The following ABAT variants were observed in gnomAD, a reference collection of about 807,000 sequenced individuals.
ABAT encodes 4-aminobutyrate aminotransferase, mitochondrial.
In ABAT, 45 loss-of-function variants were observed where a neutral mutation model predicts 64.6. The ratio of observed to expected loss-of-function variants is 0.70; its 90% CI spans 0.55 to 0.89. The LOEUF (loss-of-function observed/expected upper bound fraction) is 0.89. ABAT is among the 40% of genes least tolerant of loss of function. ABAT has a pLI of 0.00. For synonymous variants in ABAT, 297 were observed against 250.5 expected, an observed-to-expected ratio of 1.19 and a Z score of -1.75; for missense variants, 633 against 658.4, an observed-to-expected ratio of 0.96 and a Z score of 0.42.
chr16:8,719,711 A>G (rs1432220847), intron 1 of ABAT, among the ~76,000 whole-genome samples: 4 of 152,224 alleles, frequency 2.6e-5, no homozygotes, highest in Admixed American at 2.6e-4. Flanking sequence ...TGGGAAACGT[A>G]GTGAGACCTT....
chr16:8,747,440 T>C (rs2059365905), intron 3 of ABAT, among the ~76,000 whole-genome samples: 1 of 152,212 alleles, frequency 6.6e-6, no homozygotes, highest in Non-Finnish European at 1.5e-5. Flanking sequence ...ACGGGAGACA[T>C]TTTAAATGCA....
In ABAT at chr16:8,707,043, G is replaced by A. The variant is rs1225854058; in HGVS notation, c.-41-28656G>A. 2.0e-5 allele frequency among the ~76,000 whole-genome samples: 3 copies of A among 152,278 alleles called. No individual in the cohort carries two copies. The South Asian group carries it at 6.2e-4, about 32-fold the overall frequency. On this transcript the variant is annotated intron_variant, in intron 1 of 15. Coordinates refer to ENST00000268251, the MANE Select transcript of ABAT (RefSeq NM_020686.6). ...AGAAAAGAGATGCAGGCAGAGGTGGGTTAGGCAAGGTCCCAGATGCCTCAT... is the reference window on the plus strand; with the variant it reads ...AGAAAAGAGATGCAGGCAGAGGTGGATTAGGCAAGGTCCCAGATGCCTCAT...
At chr16:8,767,972 A>C (rs887053195) in intron 9 of ABAT, among the ~76,000 whole-genome samples, 2 of 151,442 alleles carry the variant, frequency 1.3e-5, no homozygotes, top group Admixed American at 6.6e-5. Flanking sequence ...CACCACACCC[A>C]GCCTAAAATT....
chr16:8,757,842 ATGTTCATGGCCATT>A (rs2059690916), intron 6 of ABAT, 36 bp downstream of exon 6: 1 of 1,600,502 alleles, frequency 6.2e-7, no homozygotes, highest in African/African-American at 1.3e-5. Context: ...AAGACAAAAT[ATGTTCATGGCCATT>A]CACAGAATCA....
At chr16:8,779,645 T>C (rs1469632184) in intron 15 of ABAT, 55 bp downstream of exon 15, 2 of 1,425,666 alleles carry the variant, frequency 1.4e-6, no homozygotes, top group Non-Finnish European at 2.0e-6. Flanking sequence ...TCTCCTGCTG[T>C]AGCTGCCACA....
intron 5 of ABAT, among the ~76,000 whole-genome samples, chr16:8,755,706 T>G (rs1165893369): frequency 1.3e-5 from 2 of 151,452 alleles, no homozygotes; most frequent in African/African-American, 4.9e-5. Context: ...AGGGCAGGAG[T>G]TCAAGACGAG....
chr16:8,722,325 G>A (rs1309723824), intron 1 of ABAT, among the ~76,000 whole-genome samples: 1 of 152,098 alleles, frequency 6.6e-6, no homozygotes, highest in Non-Finnish European at 1.5e-5. Context: ...ATTTTTCTTT[G>A]TAGAGACAGG....
At chr16:8,685,296 A>G (rs1441024891) in intron 1 of ABAT, among the ~76,000 whole-genome samples, 1 of 151,644 alleles carries the variant, frequency 6.6e-6, no homozygotes, top group Non-Finnish European at 1.5e-5. Flanking sequence ...TAACAATAAT[A>G]ATGAACAAGT....
At chr16:8,709,718 AG>A (rs1664870452) in intron 1 of ABAT, among the ~76,000 whole-genome samples, 2 of 152,184 alleles carry the variant, frequency 1.3e-5, no homozygotes, top group South Asian at 4.1e-4. Flanking sequence ...TGATATAGAA[AG>A]TAGGAATGGT....
intron 1 of ABAT, among the ~76,000 whole-genome samples, chr16:8,693,387 T>A (rs758488870): frequency 7.7e-4 from 116 of 150,814 alleles, no homozygotes; most frequent in Non-Finnish European, 1.1e-3. Flanking sequence ...AGTATATTTA[T>A]TGAAAAAAAT....
At chr16:8,760,327 G>A (rs914273827) in intron 6 of ABAT, 5 of 152,192 alleles carry the variant, frequency 3.3e-5, no homozygotes, top group African/African-American at 1.2e-4. Context: ...CACATGACAA[G>A]GAACTTGATC....
At chr16:8,680,456 T>G (rs1465682751) in intron 1 of ABAT, among the ~76,000 whole-genome samples, 1 of 152,186 alleles carries the variant, frequency 6.6e-6, no homozygotes, top group Non-Finnish European at 1.5e-5. Context: ...GGGGGAATCT[T>G]GCTCTGTCAC....
At chr16:8,762,590 T>G (rs2059829350) in intron 6 of ABAT, among the ~76,000 whole-genome samples, 1 of 152,218 alleles carries the variant, frequency 6.6e-6, no homozygotes, top group African/African-American at 2.4e-5. Flanking sequence ...ATACCCAATG[T>G]CCCAGATATC....
intron 1 of ABAT, among the ~76,000 whole-genome samples, chr16:8,681,571 T>A (rs188105755): frequency 3.2e-4 from 49 of 151,152 alleles, no homozygotes; most frequent in Admixed American, 8.0e-4. Context: ...AAATAGAGAC[T>A]TTGCAGAAAT....
At chr16:8,762,741 C>T (rs1362082518) in intron 6 of ABAT, among the ~76,000 whole-genome samples, 1 of 152,140 alleles carries the variant, frequency 6.6e-6, no homozygotes, top group Non-Finnish European at 1.5e-5. Context: ...AGCTTGCTTC[C>T]ACCCTATTCT....
intron 11 of ABAT, 108 bp from the exon 12 acceptor site, chr16:8,772,672 C>G: frequency 3.4e-6 from 5 of 1,454,038 alleles, no homozygotes; most frequent in Non-Finnish European, 4.8e-6. Flanking sequence ...TGCACACAAA[C>G]ACATTTCCAA....
intron 1 of ABAT, among the ~76,000 whole-genome samples, chr16:8,703,481 A>G (rs768693601): frequency 6.6e-6 from 1 of 152,042 alleles, no homozygotes; most frequent in Non-Finnish European, 1.5e-5. Flanking sequence ...CCAAAAAATT[A>G]TTGCTGTTAA....
At chr16:8,702,527 A>C (rs938462930) in intron 1 of ABAT, among the ~76,000 whole-genome samples, 1 of 152,162 alleles carries the variant, frequency 6.6e-6, no homozygotes, top group Non-Finnish European at 1.5e-5. Context: ...TGCTGGGATT[A>C]TAGGCGGGAG....
At chr16:8,716,575 TC>T (rs1283597108) in intron 1 of ABAT, among the ~76,000 whole-genome samples, 2 of 152,070 alleles carry the variant, frequency 1.3e-5, no homozygotes, top group Admixed American at 1.3e-4. Context: ...GTTCAGAAGA[TC>T]CCCCCATGTC....
Sources: allele counts gnomAD v4.1 joint callset (sites outside exome capture counted in the v4.1 genomes callset), GRCh38; gene constraint gnomAD v4.1.1; transcripts MANE v1.5; gene names NCBI Gene and HGNC (gene_info 2026-07-23, HGNC 2026-07-21).